ZNF718: variants seen among roughly 807,000 people sequenced by gnomAD.
ZNF718 encodes zinc finger protein 718.
A neutral mutation model predicts 2.6 loss-of-function variants in ZNF718; 3 were observed. The observed-to-expected ratio is 1.16, with a 90% CI of 0.53 to 3.01. The LOEUF (loss-of-function observed/expected upper bound fraction) is 3.01, where lower values mean the gene tolerates loss of function less well. Ranked by LOEUF, ZNF718 falls within the 30% of genes most tolerant of loss-of-function variation. The pLI, the probability that ZNF718 is intolerant of heterozygous loss-of-function variation, is 0.03. For missense variants in ZNF718, 468 were observed against 230.0 expected (o/e 2.03, Z -6.69); for synonymous variants, 135 against 77.9 (o/e 1.73, Z -3.86).
At chr4:190,630 G>A (rs1485706340) in intron 3 of ZNF718, among the ~76,000 whole-genome samples, 2 of 152,098 alleles carry the variant, frequency 1.3e-5, no homozygotes, top group African/African-American at 2.4e-5. Flanking sequence ...GAGCTAACGA[G>A]AAGATTAGGG....
intron 3 of ZNF718, among the ~76,000 whole-genome samples, chr4:194,835 G>A (rs1032963354): frequency 4.6e-5 from 7 of 152,156 alleles, no homozygotes; most frequent in African/African-American, 1.7e-4. Context: ...AAAGAACATA[G>A]GGATGCCACT....
At chr4:142,051 C>A (rs367755675) in intron 3 of ZNF718, 6 of 519,700 alleles carry the variant, frequency 1.2e-5, no homozygotes, top group African/African-American at 1.9e-5. Flanking sequence ...TCCTTGCCAC[C>A]CACACTACAA....
At chr4:169,906 A>G (rs1422208473) in intron 3 of ZNF718, among the ~76,000 whole-genome samples, 1 of 151,520 alleles carries the variant, frequency 6.6e-6, no homozygotes, top group Non-Finnish European at 1.5e-5. Context: ...TTAGCTGGTT[A>G]TTTTGCTCAT....
intron 3 of ZNF718, among the ~76,000 whole-genome samples, chr4:171,950 T>C (rs782310063): frequency 6.6e-6 from 1 of 152,214 alleles, no homozygotes; most frequent in Non-Finnish European, 1.5e-5. Flanking sequence ...CTGGGAGCTG[T>C]AGACTGGAGC....
At chr4:192,217 T>A (rs1444343863) in intron 3 of ZNF718, among the ~76,000 whole-genome samples, 2 of 152,104 alleles carry the variant, frequency 1.3e-5, no homozygotes, top group Non-Finnish European at 2.9e-5. Context: ...CAGAAGAGTG[T>A]GCAGTTGCAA....
At chr4:150,543 C>T (rs565694768) in intron 3 of ZNF718, among the ~76,000 whole-genome samples, 9 of 151,986 alleles carry the variant, frequency 5.9e-5, no homozygotes, top group African/African-American at 1.2e-4. Context: ...CTTAATGTAA[C>T]GGCCTCCAGG....
In ZNF718 at chr4:199,090, T is replaced by C. The variant is rs539815968; in HGVS notation, c.227-1991T>C. Reference sequence around the variant, plus strand: ...ACAAAATTATGTGTGTGAGCTCTGATGGCAAGGCAAGCTGGCTGGGTTTAG... The same window carrying C: ...ACAAAATTATGTGTGTGAGCTCTGACGGCAAGGCAAGCTGGCTGGGTTTAG... On this transcript the variant is annotated intron_variant and NMD_transcript_variant, in intron 3 of 4. Transcript: ENST00000642529. 2.6e-5 allele frequency among the ~76,000 whole-genome samples: 4 copies of C among 152,344 alleles called. No homozygotes were observed. The South Asian group carries it at 6.2e-4, about 24-fold the overall frequency.
intron 3 of ZNF718, among the ~76,000 whole-genome samples, chr4:133,414 G>A (rs1212107052): frequency 6.6e-6 from 1 of 151,860 alleles, no homozygotes; most frequent in Non-Finnish European, 1.5e-5. Context: ...TTAGAACATT[G>A]CTAAGTGTAT....
chr4:161,887 G>A lies in ZNF718; in HGVS notation c.1202G>A (p.Gly401Asp), dbSNP rs1553815437. ...GKNPYKCEDCGKAFKVFANLH... is the reference protein window; with the variant it reads ...GKNPYKCEDCDKAFKVFANLH... ...AATCCCTACAAATGTGAAGATTGTGGCAAAGCCTTTAAAGTGTTTGCAAAC... is the reference window on the plus strand; with the variant it reads ...AATCCCTACAAATGTGAAGATTGTGACAAAGCCTTTAAAGTGTTTGCAAAC... Residue 401 changes from glycine to aspartate, a missense_variant, in exon 4 of 4, where the codon GGC becomes GAC. Gly to Asp is a moderately conservative substitution (Grantham distance 94, BLOSUM62 -1). Coordinates refer to ENST00000510175, the MANE Select transcript of ZNF718 (RefSeq NM_001039127.6). The A allele has an allele frequency of 2.6e-6, 2 of 780,200 alleles. No individual in the cohort carries two copies. Among genetic ancestry groups the A allele is most frequent in the Non-Finnish European group, 4.8e-6 (2 of 417,722 alleles). 48.3% of individuals were successfully genotyped at this position (780,200 alleles called of 1,614,324 possible).
intron 3 of ZNF718, among the ~76,000 whole-genome samples, chr4:134,799 T>G (rs1009014326): frequency 6.6e-6 from 1 of 152,176 alleles, no homozygotes; most frequent in Admixed American, 6.5e-5. Flanking sequence ...CATATTTTTA[T>G]GTTGGGCCAG....
intron 3 of ZNF718, among the ~76,000 whole-genome samples, chr4:172,307 T>C (rs1189814130): frequency 1.3e-5 from 2 of 152,236 alleles, no homozygotes; most frequent in Non-Finnish European, 2.9e-5. Flanking sequence ...TTTTCTCTTT[T>C]ATTACCAAGT....
intron 3 of ZNF718, among the ~76,000 whole-genome samples, chr4:191,422 G>A (rs947696283): frequency 1.5e-4 from 23 of 152,026 alleles, no homozygotes; most frequent in Non-Finnish European, 2.6e-4. Flanking sequence ...GAAGTGTTGG[G>A]ATTTCAGGCA....
intron 3 of ZNF718, among the ~76,000 whole-genome samples, chr4:155,089 G>A (rs1336140576): frequency 6.6e-6 from 1 of 152,190 alleles, no homozygotes; most frequent in African/African-American, 2.4e-5. Flanking sequence ...TGAGCCTGCA[G>A]GTACACAGAA....
downstream of ZNF718, among the ~76,000 whole-genome samples, chr4:166,867 T>C (rs1349914379): frequency 2.0e-5 from 3 of 151,766 alleles, no homozygotes; most frequent in Non-Finnish European, 4.4e-5. Context: ...TAGATCCCAT[T>C]TGTCAATTTT....
rs1383431774 is a variant in ZNF718, at chr4:128,058, C to CT, written c.4-2730_4-2729insT. ...CTTAAGAATGTGTTGAAGGAGCCTC[C>CT]ATGAGGTGATCTCTCCTCTGGTTTT... On this transcript the variant is annotated intron_variant, in intron 1 of 3. Coordinates refer to ENST00000510175, the MANE Select transcript of ZNF718 (RefSeq NM_001039127.6). Among the ~76,000 whole-genome samples, 2 of 103,968 alleles carry CT rather than the reference C, an allele frequency of 1.9e-5. 1 individual carries two copies. Among genetic ancestry groups the CT allele is most frequent in the Non-Finnish European group, 4.3e-5 (2 of 46,650 alleles). 68.2% of individuals were successfully genotyped at this position (103,968 alleles called of 152,430 possible).
intron 3 of ZNF718, among the ~76,000 whole-genome samples, chr4:194,590 G>C (rs1553821764): frequency 6.6e-6 from 1 of 152,172 alleles, no homozygotes; most frequent in African/African-American, 2.4e-5. Context: ...TCTCATTTGG[G>C]GTTAGTGTCT....
intron 3 of ZNF718, among the ~76,000 whole-genome samples, chr4:181,651 T>A (rs1206791521): frequency 1.3e-5 from 2 of 152,154 alleles, no homozygotes; most frequent in African/African-American, 4.8e-5. Context: ...AAAAATCTAT[T>A]TTTTTCACTG....
intron 3 of ZNF718, among the ~76,000 whole-genome samples, chr4:135,239 T>TAA (rs1227093983): frequency 0.026 from 3,589 of 135,558 alleles, 55 homozygotes; most frequent in Middle Eastern, 0.074. Flanking sequence ...ACTCTTGTCT[T>TAA]AAAAAAAAAA....
intron 3 of ZNF718, among the ~76,000 whole-genome samples, chr4:170,835 C>A (rs1284662681): frequency 6.6e-6 from 1 of 152,158 alleles, no homozygotes; most frequent in African/African-American, 2.4e-5. Context: ...CTGAAGCCTT[C>A]TTGTCTCAAC....
Sources: gnomAD v4.1 joint callset for allele counts (sites outside exome capture counted in the v4.1 genomes callset) on GRCh38, gnomAD v4.1.1 for gene constraint, MANE v1.5 for transcripts, NCBI Gene and HGNC (gene_info 2026-07-23, HGNC 2026-07-21) for gene names.